Variants in MYO10 observed in about 807,000 individuals in gnomAD.
The protein encoded by MYO10 is myosin X, also known as unconventional myosin-X.
Under a neutral mutation model 257.3 loss-of-function variants are expected in MYO10, and 133 were observed. The observed-to-expected ratio is 0.52, with a 90% CI of 0.45 to 0.60. MYO10 has a LOEUF of 0.60. MYO10 is among the 20% of genes least tolerant of loss of function. The probability of loss-of-function intolerance (pLI) is 0.00; values close to 1 mark genes in which losing one functional copy is unlikely to be tolerated. For missense variants in MYO10, 2,399 were observed against 2,635.7 expected, an observed-to-expected ratio of 0.91 and a Z score of 1.97; for synonymous variants, 1,104 against 1,028.6, an observed-to-expected ratio of 1.07 and a Z score of -1.40.
chr5:16,889,825 A>C (rs1745003258), intron 1 of MYO10, among the ~76,000 whole-genome samples: 1 of 151,810 alleles, frequency 6.6e-6, no homozygotes, highest in Admixed American at 6.5e-5. Flanking sequence ...GTGAAATCTG[A>C]TACCAGACAT....
At chr5:16,899,477 C>A (rs911893197) in intron 1 of MYO10, among the ~76,000 whole-genome samples, 95 of 150,688 alleles carry the variant, frequency 6.3e-4, no homozygotes, top group Non-Finnish European at 3.0e-4. Context: ...CTCTACTAAA[C>A]ATACAAAAAA....
intron 39 of MYO10, 97 bp downstream of exon 39, chr5:16,670,429 G>T: frequency 5.4e-6 from 6 of 1,101,994 alleles, no homozygotes; most frequent in Non-Finnish European, 7.7e-6. Context: ...AGAGCAAAAT[G>T]CTCCATCTTG....
intron 19 of MYO10, among the ~76,000 whole-genome samples, chr5:16,721,538 C>G (rs1739152479): frequency 2.0e-5 from 3 of 152,058 alleles, no homozygotes; most frequent in Admixed American, 2.0e-4. Context: ...AACTAATTTC[C>G]CCTAGAGAAG....
At chr5:16,774,329 A>G (rs1336593996) in intron 9 of MYO10, among the ~76,000 whole-genome samples, 1 of 152,240 alleles carries the variant, frequency 6.6e-6, no homozygotes, top group Non-Finnish European at 1.5e-5. Context: ...GGTGTGTCTG[A>G]AAGGGTGACA....
At chr5:16,691,908 T>C (rs1737526943) in intron 27 of MYO10, among the ~76,000 whole-genome samples, 1 of 152,120 alleles carries the variant, frequency 6.6e-6, no homozygotes, top group South Asian at 2.1e-4. Flanking sequence ...CACATGCCCA[T>C]ATAGGGTTGG....
chr5:16,755,098 T>C (rs1740490227), intron 18 of MYO10, among the ~76,000 whole-genome samples, 190 bp from the exon 19 acceptor site: 1 of 152,258 alleles, frequency 6.6e-6, no homozygotes, highest in South Asian at 2.1e-4. Context: ...GTATTAATAA[T>C]TGAAATTATT....
intron 19 of MYO10, among the ~76,000 whole-genome samples, chr5:16,716,177 A>G: frequency 6.6e-6 from 1 of 152,166 alleles, no homozygotes; most frequent in Admixed American, 6.5e-5. Flanking sequence ...GTTTTAATGT[A>G]TACTTTGGAT....
At chr5:16,792,260 A>G (rs765514459) in intron 4 of MYO10, among the ~76,000 whole-genome samples, 2 of 151,922 alleles carry the variant, frequency 1.3e-5, no homozygotes. Flanking sequence ...TACAAAAAAG[A>G]TAACGGGTAA....
At position 16,713,739 on chromosome 5, in the gene MYO10, G is replaced by A. The variant is rs180678216; in HGVS notation, c.1930-2494C>T. ...GATTTCCATTGGTGGTTTTCTTTTCGGCTGCAATTTCCTTTTCTGGTGAAT... is the reference window on the plus strand; with the variant it reads ...GATTTCCATTGGTGGTTTTCTTTTCAGCTGCAATTTCCTTTTCTGGTGAAT... On this transcript the variant is annotated intron_variant, in intron 19 of 40. Coordinates refer to ENST00000513610, the MANE Select transcript of MYO10 (RefSeq NM_012334.3). Among the ~76,000 whole-genome samples the A allele has an allele frequency of 3.9e-5, 6 of 152,238 alleles. No homozygotes were observed. The East Asian group carries it at 7.7e-4, about 20-fold the overall frequency.
intron 2 of MYO10, among the ~76,000 whole-genome samples, chr5:16,860,046 G>A (rs1744065130): frequency 1.3e-5 from 2 of 152,316 alleles, no homozygotes; most frequent in Middle Eastern, 3.4e-3. Flanking sequence ...GATATTTCAG[G>A]AAGCTGCTTT....
At chr5:16,895,419 G>C (rs908451590) in intron 1 of MYO10, among the ~76,000 whole-genome samples, 1 of 152,096 alleles carries the variant, frequency 6.6e-6, no homozygotes, top group Non-Finnish European at 1.5e-5. Context: ...TCTGAGGCCC[G>C]AAGCCAAGGA....
At chr5:16,709,357 G>C (rs990100918) in intron 21 of MYO10, among the ~76,000 whole-genome samples, 2 of 152,148 alleles carry the variant, frequency 1.3e-5, no homozygotes, top group East Asian at 1.9e-4. Context: ...CTTCCTGAGT[G>C]GGGGTGCAAT....
chr5:16,769,304 G>C, intron 9 of MYO10, 101 bp from the exon 10 acceptor site: 1 of 1,291,202 alleles, frequency 7.7e-7, no homozygotes, highest in Admixed American at 3.2e-5. Context: ...TTATTGAAAA[G>C]GCAAAGAAAC....
chr5:16,916,247 T>G (rs976994397), intron 1 of MYO10: 2 of 433,172 alleles, frequency 4.6e-6, no homozygotes, highest in African/African-American at 2.0e-5. Flanking sequence ...CGTCAACAGA[T>G]AGTGGTGCAG....
rs192756411 is a variant in MYO10, at chr5:16,717,131, G to A, written c.1930-5886C>T. Among the ~76,000 whole-genome samples, 155 of 152,208 alleles carry A rather than the reference G, an allele frequency of 1.0e-3. 6 individuals are homozygous for A. In the East Asian group the frequency reaches 0.023, roughly 22 times the overall value. ...GGATTACAGGCTTGGGCCACCACGC[G>A]CGGCCTTAAACTGGTTTTAACATTT... On this transcript the variant is annotated intron_variant, in intron 19 of 40. Transcript: ENST00000513610.
rs1038946493 is a variant in MYO10, at chr5:16,672,829, G to A, written c.5173-4C>T. The A allele has an allele frequency of 1.2e-6, 2 of 1,612,208 alleles. No homozygotes were observed. ...CTCGGATCAGCTTCTCCACCACCTG[G>A]AAGACACACCAGGGGGACTTCAGTT... On this transcript the variant is annotated splice_region_variant and splice_polypyrimidine_tract_variant and intron_variant, in intron 36 of 40. Coordinates refer to ENST00000513610, the MANE Select transcript of MYO10 (RefSeq NM_012334.3).
intron 39 of MYO10, among the ~76,000 whole-genome samples, chr5:16,669,053 G>A (rs1169528328): frequency 2.0e-5 from 3 of 152,042 alleles, no homozygotes; most frequent in Non-Finnish European, 2.9e-5. Flanking sequence ...ACAGATTGGT[G>A]GAAGAAAATA....
chr5:16,881,472 G>A lies in MYO10; in HGVS notation c.22-3765C>T, dbSNP rs1451820361. Reference sequence around the variant, plus strand: ...AAAGGTCTTCTCCAACAGGTGTGAAGAACTGCTGATAAGCAACTTTTACAA... The same window carrying A: ...AAAGGTCTTCTCCAACAGGTGTGAAAAACTGCTGATAAGCAACTTTTACAA... On this transcript the variant is annotated intron_variant, in intron 1 of 40. Coordinates refer to ENST00000513610, the MANE Select transcript of MYO10 (RefSeq NM_012334.3). 5.3e-5 allele frequency among the ~76,000 whole-genome samples: 8 copies of A among 152,240 alleles called. No homozygotes were observed. In the East Asian group the frequency reaches 1.5e-3, roughly 29 times the overall value.
At position 16,685,767 on chromosome 5, in the gene MYO10, C is replaced by T; in HGVS notation, c.3961G>A (p.Asp1321Asn). 1.3e-6 allele frequency: 2 copies of T among 1,498,144 alleles called. No homozygotes were observed. The highest frequency in any genetic ancestry group is 1.8e-6 in the Non-Finnish European group (2 of 1,109,000). The allele number at this position is 1,498,144 out of a possible 1,614,324, so 92.8% of individuals were successfully genotyped here. The change falls in exon 29 of 41, where the codon GAT (aspartate) becomes AAT (asparagine). Residue 1321 changes from aspartate to asparagine, a missense_variant. Transcript: ENST00000513610. ...GCATTCTGTGGGTTTGCCTGCTCAT[C>T]ATGCATCTCCTGGATCTCCTGGTCC... is the stretch of plus-strand genomic sequence containing the variant. ...STDQEIQEMH[D>N]EQANPQNAVG...
Sources: allele counts gnomAD v4.1 joint callset (sites outside exome capture counted in the v4.1 genomes callset), GRCh38; gene constraint gnomAD v4.1.1; transcripts MANE v1.5; gene names NCBI Gene and HGNC (gene_info 2026-07-23, HGNC 2026-07-21).